Variants in TXNRD1 observed in about 807,000 individuals in gnomAD.
TXNRD1 encodes thioredoxin reductase 1, cytoplasmic.
TXNRD1 carries 57 observed loss-of-function variants against 80.3 expected under a neutral mutation model. That is an observed-to-expected ratio of 0.71 (90% CI 0.57 to 0.89). TXNRD1 has a LOEUF of 0.89. TXNRD1 is among the 40% of genes least tolerant of loss of function. The pLI, the probability that TXNRD1 is intolerant of heterozygous loss-of-function variation, is 0.00. For synonymous variants in TXNRD1, 291 were observed against 285.2 expected (o/e 1.02, Z -0.20); for missense variants, 730 against 803.0 (o/e 0.91, Z 1.10).
At chr12:104,234,638 G>GGA (rs1555205989) in intron 1 of TXNRD1, among the ~76,000 whole-genome samples, 20 of 125,906 alleles carry the variant, frequency 1.6e-4, no homozygotes, top group Non-Finnish European at 2.6e-4. Context: ...TAAAGTCAGG[G>GGA]AAAAAAAAAA....
At chr12:104,332,663 C>T (rs898957179) in intron 14 of TXNRD1, among the ~76,000 whole-genome samples, 3 of 147,842 alleles carry the variant, frequency 2.0e-5, no homozygotes, top group Non-Finnish European at 4.4e-5. Context: ...GCAGGAGAAT[C>T]GCTTGAACCC....
chr12:104,266,668 TA>T (rs2135718450), intron 3 of TXNRD1, among the ~76,000 whole-genome samples: 1 of 148,722 alleles, frequency 6.7e-6, no homozygotes, highest in Non-Finnish European at 1.5e-5. Flanking sequence ...CTGTCTCTAC[TA>T]AAAATACAAC....
chr12:104,332,369 T>C (rs1001915070), intron 14 of TXNRD1, among the ~76,000 whole-genome samples: 7 of 152,200 alleles, frequency 4.6e-5, no homozygotes, highest in Non-Finnish European at 8.8e-5. Flanking sequence ...CTCTTAATAA[T>C]CTTTTTCTTT....
Position 104,300,820 on chromosome 12 carries a change from A to G in TXNRD1, c.415-10470A>G, listed in dbSNP as rs181231344. Among the ~76,000 whole-genome samples, 24 of 152,208 alleles carry G rather than the reference A, an allele frequency of 1.6e-4. No homozygotes were observed. The East Asian group carries it at 4.6e-3, about 29-fold the overall frequency. On this transcript the variant is annotated intron_variant, in intron 4 of 16. Transcript: ENST00000525566. ...TGCCACCACGCCCAGCTAATTTTCT[A>G]TTTTTAGTAGAGACGTGGTTTCTCC...
In TXNRD1 at chr12:104,341,505, G is replaced by A. The variant is rs781173797; in HGVS notation, c.1881+2232G>A. On this transcript the variant is annotated intron_variant, in intron 16 of 16. Transcript: ENST00000525566. ...CCTAGGATCAGGGTAGATATAAAGT[G>A]CTGGAGGCACTGGGGTGCCACATTT... is the stretch of plus-strand genomic sequence containing the variant. Among the ~76,000 whole-genome samples, 9 of 152,196 alleles carry A rather than the reference G, an allele frequency of 5.9e-5. No individual in the cohort carries two copies. In the South Asian group the frequency reaches 6.2e-4, roughly 10 times the overall value.
intron 3 of TXNRD1, among the ~76,000 whole-genome samples, chr12:104,259,570 CA>C (rs2033322383): frequency 6.7e-6 from 1 of 150,098 alleles, no homozygotes; most frequent in Non-Finnish European, 1.5e-5. Context: ...CAGCTCACCG[CA>C]ACCTCCGCCT....
At chr12:104,288,726 G>A in intron 3 of TXNRD1, 1 of 1,431,874 alleles carries the variant, frequency 7.0e-7, no homozygotes. Flanking sequence ...CCAGTGTGCG[G>A]ATTTGCCGGG....
At chr12:104,265,666 C>A (rs929353634) in intron 3 of TXNRD1, 3 of 1,605,560 alleles carry the variant, frequency 1.9e-6, no homozygotes, top group Non-Finnish European at 2.5e-6. Context: ...GCACCGCGCC[C>A]GAGCCCACTC....
chr12:104,338,758 C>T (rs367934505), intron 15 of TXNRD1, among the ~76,000 whole-genome samples: 2 of 151,964 alleles, frequency 1.3e-5, no homozygotes, highest in African/African-American at 4.8e-5. Context: ...GCTCTGTCGT[C>T]TAGGCTGGAG....
intron 1 of TXNRD1, among the ~76,000 whole-genome samples, chr12:104,228,977 C>G (rs929874102): frequency 3.3e-5 from 5 of 151,756 alleles, no homozygotes; most frequent in Non-Finnish European, 7.4e-5. Flanking sequence ...CCTCGGCCTC[C>G]CAAAGTAGTG....
intron 1 of TXNRD1, among the ~76,000 whole-genome samples, chr12:104,219,686 G>A (rs1218393369): frequency 1.3e-5 from 2 of 152,182 alleles, no homozygotes; most frequent in African/African-American, 2.4e-5. Flanking sequence ...TGAGGATCAG[G>A]AATGTGTTTT....
intron 4 of TXNRD1, among the ~76,000 whole-genome samples, chr12:104,301,322 C>A (rs2034617899): frequency 6.6e-6 from 1 of 151,980 alleles, no homozygotes; most frequent in Non-Finnish European, 1.5e-5. Flanking sequence ...TGTTAGAGTT[C>A]TTTTGTAAGT....
chr12:104,255,116 TA>T (rs998387118), intron 2 of TXNRD1, among the ~76,000 whole-genome samples: 4 of 151,152 alleles, frequency 2.6e-5, no homozygotes, highest in South Asian at 2.1e-4. Flanking sequence ...AATAAATAAA[TA>T]AAAAAAATAA....
At chr12:104,312,229 G>A (rs1217134938) in intron 5 of TXNRD1, among the ~76,000 whole-genome samples, 8 of 152,082 alleles carry the variant, frequency 5.3e-5, no homozygotes, top group Non-Finnish European at 1.2e-4. Context: ...TATATGTGAG[G>A]TTATCTAATA....
chr12:104,320,578 G>C (rs568050824), intron 9 of TXNRD1, among the ~76,000 whole-genome samples: 184 of 151,894 alleles, frequency 1.2e-3, no homozygotes, highest in Non-Finnish European at 1.9e-3. Context: ...TGTGTCCCTA[G>C]CTCAACTAGA....
In TXNRD1 at chr12:104,314,811, G is replaced by A. The variant is rs984133240; in HGVS notation, c.611-966G>A. Among the ~76,000 whole-genome samples the A allele has an allele frequency of 6.9e-5, 10 of 144,184 alleles. No homozygotes were observed. The East Asian group carries it at 1.2e-3, about 18-fold the overall frequency. The allele number at this position is 144,184 out of a possible 152,430, so 94.6% of individuals were successfully genotyped here. A position where few individuals can be genotyped will look rare whatever the true frequency, so the allele number is the denominator to read the frequency against. On this transcript the variant is annotated intron_variant, in intron 6 of 16. Transcript: ENST00000525566. Reference sequence around the variant, plus strand: ...GGCTGGAGTGCAGTGGCGCTATCTCGGCTCACTGCAACCTCCACCTCCTGG... The same window carrying A: ...GGCTGGAGTGCAGTGGCGCTATCTCAGCTCACTGCAACCTCCACCTCCTGG...
In TXNRD1 at chr12:104,331,464, T is replaced by C. The variant is rs369608532; in HGVS notation, c.1543-70T>C. 21 of 1,069,640 alleles carry C rather than the reference T, an allele frequency of 2.0e-5. No homozygotes were observed. The South Asian group carries it at 3.1e-4, about 16-fold the overall frequency. The allele number at this position is 1,069,640 out of a possible 1,614,324, so 66.3% of individuals were successfully genotyped here. A position where few individuals can be genotyped will look rare whatever the true frequency, so the allele number is the denominator to read the frequency against. On this transcript the variant is annotated intron_variant, in intron 13 of 16. Transcript: ENST00000525566. ...TCTTATATCCTTTGTCAATTTTGAC[T>C]TTTTTGAATACCTTTTTTTTTAAGT...
intron 4 of TXNRD1, among the ~76,000 whole-genome samples, chr12:104,297,055 G>C (rs1364974306): frequency 6.6e-6 from 1 of 152,156 alleles, no homozygotes; most frequent in African/African-American, 2.4e-5. Flanking sequence ...TGTAATCCCA[G>C]CACTTTGAGA....
chr12:104,247,928 ACCTCAGTTT>A (rs1402680007), intron 1 of TXNRD1, among the ~76,000 whole-genome samples: 1 of 152,176 alleles, frequency 6.6e-6, no homozygotes, highest in Non-Finnish European at 1.5e-5. Flanking sequence ...ACCTGACTGG[ACCTCAGTTT>A]CCTCATCAGT....
Sources: gnomAD v4.1 joint callset for allele counts (sites outside exome capture counted in the v4.1 genomes callset) on GRCh38, gnomAD v4.1.1 for gene constraint, MANE v1.5 for transcripts, NCBI Gene and HGNC (gene_info 2026-07-23, HGNC 2026-07-21) for gene names.